UBE3A: variants seen among roughly 807,000 people sequenced by gnomAD.
The protein encoded by UBE3A is ubiquitin-protein ligase E3A.
Under a neutral mutation model 83.4 loss-of-function variants are expected in UBE3A, and 6 were observed. That is an observed-to-expected ratio of 0.07 (90% CI 0.04 to 0.14). The LOEUF is 0.14. Among genes scored for constraint, UBE3A ranks in the 10% least tolerant of loss-of-function variants. UBE3A has a pLI of 1.00. For missense variants in UBE3A, 456 were observed against 1,036.1 expected (o/e 0.44, Z 7.69); for synonymous variants, 337 against 355.4 (o/e 0.95, Z 0.58).
intron 3 of UBE3A, chr15:25,407,253 C>A: frequency 9.1e-7 from 1 of 1,103,680 alleles, no homozygotes; most frequent in Non-Finnish European, 1.1e-6. Context: ...AAAAAATAAA[C>A]CTGCTGGCAC....
chr15:25,391,335 A>G (rs191516924), intron 4 of UBE3A, among the ~76,000 whole-genome samples: 2 of 152,362 alleles, frequency 1.3e-5, no homozygotes, highest in East Asian at 3.9e-4. Context: ...TTGCCAAGGA[A>G]TAGGAAGAAG....
intron 11 of UBE3A, among the ~76,000 whole-genome samples, chr15:25,350,404 TAATA>T (rs1265619436): frequency 7.2e-5 from 11 of 151,946 alleles, no homozygotes; most frequent in African/African-American, 2.4e-4. Context: ...ATTTTCTACT[TAATA>T]AATATTTTTG....
chr15:25,350,167 A>G (rs1248450729), intron 11 of UBE3A, among the ~76,000 whole-genome samples: 1 of 152,074 alleles, frequency 6.6e-6, no homozygotes, highest in African/African-American at 2.4e-5. Flanking sequence ...GGGCTGACGT[A>G]AGAAGATTGC....
intron 1 of UBE3A, chr15:25,419,477 T>C (rs1201241723): frequency 6.6e-6 from 1 of 152,134 alleles, no homozygotes; most frequent in Non-Finnish European, 1.5e-5. Flanking sequence ...AGCTGAAAGA[T>C]TTTGTAGCCA....
intron 6 of UBE3A, among the ~76,000 whole-genome samples, chr15:25,366,939 TTTTATTTA>T (rs532640192): frequency 1.3e-5 from 2 of 151,772 alleles, no homozygotes; most frequent in African/African-American, 2.4e-5. Context: ...GGGCCCTGGA[TTTTATTTA>T]TTTATTTATT....
At position 25,335,320 on chromosome 15, in the gene UBE3A, G is replaced by T. The variant is rs66828322; in HGVS notation, c.*3817C>A. On this transcript the variant is annotated 3_prime_UTR_variant, in exon 13 of 13. Transcript: ENST00000648336. ...AGATGCTGGGTAGGAATGCAGCGAG[G>T]AAAGTGTGTAACACAAGGCCAAATT... 6.6e-6 allele frequency: 1 copy of T among 152,240 alleles called. No homozygotes were observed. The highest frequency in any genetic ancestry group is 1.5e-5 in the Non-Finnish European group (1 of 68,102). The allele number at this position is 152,240 out of a possible 1,614,324, so 9.4% of individuals were successfully genotyped here. A position where few individuals can be genotyped will look rare whatever the true frequency, so the allele number is the denominator to read the frequency against.
At chr15:25,398,818 A>G (rs950060832) in intron 4 of UBE3A, among the ~76,000 whole-genome samples, 3 of 67,034 alleles carry the variant, frequency 4.5e-5, no homozygotes, top group Admixed American at 1.8e-4. Context: ...TATATATAAA[A>G]ATACATATAT....
intron 1 of UBE3A, among the ~76,000 whole-genome samples, chr15:25,422,728 A>G (rs1234981032): frequency 6.6e-6 from 1 of 151,198 alleles, no homozygotes; most frequent in African/African-American, 2.4e-5. Flanking sequence ...TAATCCCAGC[A>G]CTTTGGGAGG....
chr15:25,370,849 G>C lies in UBE3A; in HGVS notation c.1325C>G (p.Pro442Arg). 1 of 1,613,968 alleles carries C rather than the reference G, an allele frequency of 6.2e-7. No homozygotes were observed. Among genetic ancestry groups the C allele is most frequent in the South Asian group, 1.1e-5 (1 of 91,064 alleles). The change falls in exon 6 of 13, where the codon CCT becomes CGT. Residue 442 changes from proline (P) to arginine (R), a missense_variant. Coordinates refer to ENST00000648336, the MANE Select transcript of UBE3A (RefSeq NM_130839.5). This position sits in a 1 kb window ranked among gnomAD's most constrained non-coding sequence, Gnocchi z 4.2. ...TGGTTCATTAATAAACTCTTCAAAA[G>C]GGATAAGTGGTTTTCGACAATCCAG... ...KTLDCRKPLI[P>R]FEEFINEPLN...
intron 4 of UBE3A, among the ~76,000 whole-genome samples, chr15:25,400,253 G>C (rs1289641585): frequency 6.6e-6 from 1 of 151,922 alleles, no homozygotes; most frequent in Non-Finnish European, 1.5e-5. Context: ...TCATCCCTCG[G>C]TATCTGCAGG....
rs1567068698 is a variant in UBE3A, at chr15:25,398,803, AT to A, written c.62+6657del. Among the ~76,000 whole-genome samples the A allele has an allele frequency of 3.2e-4, 25 of 77,574 alleles. 2 individuals carry two copies. Among genetic ancestry groups the A allele is most frequent in the Non-Finnish European group, 5.7e-4 (21 of 36,612 alleles). The allele number at this position is 77,574 out of a possible 152,430, so 50.9% of individuals were successfully genotyped here. A position where few individuals can be genotyped will look rare whatever the true frequency, so the allele number is the denominator to read the frequency against. The stretch of plus-strand genomic sequence containing the variant: ...TATATATATATATATATATATATAT[AT>A]ATATATATATAAAAATACATATATA... On this transcript the variant is annotated intron_variant, in intron 4 of 12. Transcript: ENST00000648336.
At position 25,333,861 on chromosome 15, in the gene UBE3A, ACAG is replaced by A. The variant is rs2073836622; in HGVS notation, c.*5273_*5275del. 6.6e-6 allele frequency: 1 copy of A among 151,762 alleles called. No homozygotes were observed. Among genetic ancestry groups the A allele is most frequent in the African/African-American group, 2.4e-5 (1 of 41,188 alleles). 9.4% of individuals were successfully genotyped at this position (151,762 alleles called of 1,614,324 possible). A position where few individuals can be genotyped will look rare whatever the true frequency, so the allele number is the denominator to read the frequency against. On this transcript the variant is annotated 3_prime_UTR_variant, in exon 13 of 13. Transcript: ENST00000648336. ...GACAAAACAACATGAAAATCTTGATACAGAAGAAGCATTTAACAAAACCCACAG... is the reference window on the plus strand; with the variant it reads ...GACAAAACAACATGAAAATCTTGATAAAGAAGCATTTAACAAAACCCACAG...
intron 4 of UBE3A, among the ~76,000 whole-genome samples, chr15:25,388,102 T>A (rs534310176): frequency 6.6e-6 from 1 of 152,076 alleles, no homozygotes; most frequent in Admixed American, 6.6e-5. Flanking sequence ...GATGCTCCTA[T>A]CTCATTGTAT....
chr15:25,364,203 T>A (rs899016700), intron 6 of UBE3A, among the ~76,000 whole-genome samples: 1 of 151,942 alleles, frequency 6.6e-6, no homozygotes, highest in African/African-American at 2.4e-5. Flanking sequence ...GTTAAGACCC[T>A]GTCTCAAAAA....
intron 4 of UBE3A, among the ~76,000 whole-genome samples, chr15:25,393,347 T>C (rs1389839469): frequency 6.6e-6 from 1 of 152,198 alleles, no homozygotes; most frequent in East Asian, 1.9e-4. Context: ...CATCAGCATT[T>C]AGTAAGTGAT....
At chr15:25,363,311 GCA>G (rs1158029259) in intron 6 of UBE3A, among the ~76,000 whole-genome samples, 67 of 152,196 alleles carry the variant, frequency 4.4e-4, no homozygotes, top group African/African-American at 1.4e-3. Context: ...TTAATTCCCT[GCA>G]TAAAGTTAGT....
At chr15:25,419,830 G>A (rs772945968) in intron 1 of UBE3A, among the ~76,000 whole-genome samples, 1 of 151,900 alleles carries the variant, frequency 6.6e-6, no homozygotes, top group Non-Finnish European at 1.5e-5. Context: ...TATTTTTGAA[G>A]GTAGATTGAG....
chr15:25,413,511 C>G (rs1003227722), intron 1 of UBE3A, among the ~76,000 whole-genome samples: 3 of 152,166 alleles, frequency 2.0e-5, no homozygotes, highest in Non-Finnish European at 4.4e-5. Context: ...AATTAAAGGA[C>G]TACTACAACA....
At chr15:25,437,646 A>G (rs965454546) in intron 1 of UBE3A, among the ~76,000 whole-genome samples, 1 of 152,226 alleles carries the variant, frequency 6.6e-6, no homozygotes, top group Admixed American at 6.5e-5. Flanking sequence ...ACTGTTACTA[A>G]TTTAGCATAT....
Sources: gnomAD v4.1 joint callset for allele counts (sites outside exome capture counted in the v4.1 genomes callset) on GRCh38, gnomAD v4.1.1 for gene constraint, Gnocchi (gnomAD v3.1) non-coding constraint, MANE v1.5 for transcripts, NCBI Gene and HGNC (gene_info 2026-07-23, HGNC 2026-07-21) for gene names.